Variants in GLIS3 observed in about 807,000 individuals in gnomAD.
GLIS3 encodes zinc finger protein GLIS3.
In GLIS3, 53 loss-of-function variants were observed where a neutral mutation model predicts 78.6. The ratio of observed to expected loss-of-function variants is 0.67; its 90% confidence interval spans 0.54 to 0.85. The LOEUF is 0.85. GLIS3 is among the 40% of genes least tolerant of loss of function. The pLI is 0.00. For synonymous variants in GLIS3, 684 were observed against 509.9 expected, an observed-to-expected ratio of 1.34 and a Z score of -4.60; for missense variants, 1,703 against 1,231.1, an observed-to-expected ratio of 1.38 and a Z score of -5.74.
chr9:4,411,409 T>G, the GLIS3 span, among the ~76,000 whole-genome samples: 1 of 152,204 alleles, frequency 6.6e-6, no homozygotes, highest in Admixed American at 6.6e-5. Flanking sequence ...TATGAGGTCG[T>G]GATACAGATG....
At chr9:4,165,340 C>CTGAGGCAGGAGAACCGCT (rs1835797738) in intron 2 of GLIS3, among the ~76,000 whole-genome samples, 1 of 152,132 alleles carries the variant, frequency 6.6e-6, no homozygotes, top group Non-Finnish European at 1.5e-5. Context: ...ACTCGGGAGG[C>CTGAGGCAGGAGAACCGCT]TGAGGCAGGA....
chr9:3,847,489 A>G (rs1278143897), intron 9 of GLIS3, among the ~76,000 whole-genome samples: 3 of 152,270 alleles, frequency 2.0e-5, no homozygotes, highest in Non-Finnish European at 4.4e-5. Flanking sequence ...GCAATAGTTG[A>G]TTCAATCATT....
intron 2 of GLIS3, among the ~76,000 whole-genome samples, chr9:4,281,505 G>A (rs898951511): frequency 1.3e-5 from 2 of 152,146 alleles, no homozygotes; most frequent in Non-Finnish European, 2.9e-5. Flanking sequence ...GACCATTCCA[G>A]GAACTTCATA....
chr9:4,157,527 C>T (rs7027521), intron 2 of GLIS3, among the ~76,000 whole-genome samples: 72,737 of 151,956 alleles, frequency 0.48, 17,666 homozygotes, highest in Middle Eastern at 0.56. Flanking sequence ...AGGGAACGAT[C>T]TATCATTCAA....
At chr9:4,189,064 T>C (rs7466640) in intron 2 of GLIS3, among the ~76,000 whole-genome samples, 41,926 of 151,294 alleles carry the variant, frequency 0.28, 7,030 homozygotes, top group South Asian at 0.53. Flanking sequence ...GCTCTTGCTT[T>C]TCTAGTTCTT....
At chr9:3,960,555 G>C (rs1400783992) in intron 4 of GLIS3, among the ~76,000 whole-genome samples, 1 of 152,144 alleles carries the variant, frequency 6.6e-6, no homozygotes, top group Admixed American at 6.5e-5. Flanking sequence ...ATCATTCTTT[G>C]ACACTCAGGA....
intron 6 of GLIS3, among the ~76,000 whole-genome samples, chr9:3,904,358 T>G (rs1823518694): frequency 1.3e-5 from 2 of 152,248 alleles, no homozygotes; most frequent in Admixed American, 1.3e-4. Flanking sequence ...ATTCTGCCTC[T>G]GGAATGCAGC....
chr9:4,268,437 G>A (rs1826209836), intron 2 of GLIS3, among the ~76,000 whole-genome samples: 1 of 152,098 alleles, frequency 6.6e-6, no homozygotes, highest in African/African-American at 2.4e-5. Flanking sequence ...TCATGGTCTT[G>A]CTTTGCATTA....
the GLIS3 span, among the ~76,000 whole-genome samples, chr9:4,469,328 T>C: frequency 1.3e-5 from 2 of 152,256 alleles, no homozygotes; most frequent in South Asian, 4.2e-4. Context: ...ATCAACAGAA[T>C]ATACATTCTT....
the GLIS3 span, among the ~76,000 whole-genome samples, chr9:4,455,407 GA>G: frequency 6.6e-6 from 1 of 152,130 alleles, no homozygotes; most frequent in Non-Finnish European, 1.5e-5. Context: ...GAAGAGGATG[GA>G]AGTGGAAGGG....
intron 2 of GLIS3, among the ~76,000 whole-genome samples, chr9:4,196,392 G>C (rs1046965860): frequency 2.6e-5 from 4 of 152,208 alleles, no homozygotes; most frequent in Non-Finnish European, 5.9e-5. Flanking sequence ...GTGGCAACCG[G>C]CTCAGGTCCC....
chr9:4,279,571 C>T (rs1483185850), intron 2 of GLIS3, among the ~76,000 whole-genome samples: 1 of 151,464 alleles, frequency 6.6e-6, no homozygotes, highest in African/African-American at 2.4e-5. Flanking sequence ...ATTGTGAAAA[C>T]CTGGGAGGCT....
chr9:4,404,041 C>T, the GLIS3 span, among the ~76,000 whole-genome samples: 31 of 151,902 alleles, frequency 2.0e-4, no homozygotes, highest in South Asian at 4.2e-4. Flanking sequence ...AGATAATCCA[C>T]GACAATAGAA....
intron 2 of GLIS3, among the ~76,000 whole-genome samples, chr9:4,238,090 A>C (rs1354835382): frequency 6.6e-6 from 1 of 152,124 alleles, no homozygotes. Context: ...AGTGAGCACA[A>C]AGTCAGGAGT....
At chr9:4,327,560 G>A (rs1421196417) in intron 2 of GLIS3, among the ~76,000 whole-genome samples, 1 of 152,120 alleles carries the variant, frequency 6.6e-6, no homozygotes, top group Admixed American at 6.5e-5. Context: ...AATTGGGTAG[G>A]AAGCATGAGA....
the GLIS3 span, among the ~76,000 whole-genome samples, chr9:4,450,117 G>A: frequency 3.6e-3 from 551 of 152,196 alleles, 1 homozygote; most frequent in African/African-American, 0.012. Context: ...TAAGATGAAT[G>A]GCTAACTAAA....
chr9:3,889,025 G>C (rs1822256548), intron 7 of GLIS3, among the ~76,000 whole-genome samples: 1 of 152,128 alleles, frequency 6.6e-6, no homozygotes, highest in Admixed American at 6.5e-5. Flanking sequence ...TTTAATTTAT[G>C]TGTCTAGGAG....
chr9:4,373,067 C>A, the GLIS3 span, among the ~76,000 whole-genome samples: 4 of 152,224 alleles, frequency 2.6e-5, no homozygotes, highest in East Asian at 5.8e-4. Context: ...TATCTCAGAA[C>A]TAGGGATAAC....
At chr9:4,190,460 A>G (rs558034176) in intron 2 of GLIS3, among the ~76,000 whole-genome samples, 14,697 of 111,800 alleles carry the variant, frequency 0.13, 1,649 homozygotes, top group South Asian at 0.29. Flanking sequence ...AATGAAATGA[A>G]GCGAGAAGGG....
Sources: allele counts gnomAD v4.1 joint callset (sites outside exome capture counted in the v4.1 genomes callset), GRCh38; gene constraint gnomAD v4.1.1; transcripts MANE v1.5; gene names NCBI Gene and HGNC (gene_info 2026-07-23, HGNC 2026-07-21).